ASIC2: variants seen among roughly 807,000 people sequenced by gnomAD.
ASIC2 encodes acid-sensing ion channel 2.
A neutral mutation model predicts 57.3 loss-of-function variants in ASIC2; 25 were observed. The observed-to-expected ratio is 0.44, with a 90% CI of 0.32 to 0.61. ASIC2 has a LOEUF of 0.61. Ranked by LOEUF, ASIC2 falls within the 20% of genes least tolerant of loss-of-function variation. ASIC2 has a pLI of 0.06. For missense variants in ASIC2, 641 were observed against 738.1 expected (o/e 0.87, Z 1.52); for synonymous variants, 319 against 307.5 (o/e 1.04, Z -0.39).
chr17:33,781,255 G>A (rs1267019659), intron 1 of ASIC2, among the ~76,000 whole-genome samples: 2 of 152,206 alleles, frequency 1.3e-5, no homozygotes, highest in Non-Finnish European at 2.9e-5. Flanking sequence ...TGCCCCTGTG[G>A]CCACTGGACC....
intron 2 of ASIC2, among the ~76,000 whole-genome samples, chr17:33,090,314 G>C (rs985502194): frequency 3.3e-5 from 5 of 152,208 alleles, no homozygotes; most frequent in African/African-American, 1.2e-4. Flanking sequence ...AGCACATCGT[G>C]ATGAGGCTTT....
At chr17:34,086,976 G>A (rs570375307) in intron 1 of ASIC2, among the ~76,000 whole-genome samples, 1 of 152,234 alleles carries the variant, frequency 6.6e-6, no homozygotes, top group African/African-American at 2.4e-5. Context: ...ACACTGATGG[G>A]TCTTGACTCT....
chr17:33,051,855 C>A (rs755410148), intron 3 of ASIC2, among the ~76,000 whole-genome samples: 5 of 152,192 alleles, frequency 3.3e-5, no homozygotes, highest in Non-Finnish European at 7.3e-5. Context: ...ATTCACCCAA[C>A]CTTGGGTCAG....
chr17:33,393,679 G>A (rs1909978955), intron 1 of ASIC2, among the ~76,000 whole-genome samples: 1 of 152,194 alleles, frequency 6.6e-6, no homozygotes, highest in South Asian at 2.1e-4. Flanking sequence ...GTGCTGAAAG[G>A]AAGTTCCAGT....
At chr17:33,334,334 A>G (rs1907430752) in intron 1 of ASIC2, among the ~76,000 whole-genome samples, 1 of 152,220 alleles carries the variant, frequency 6.6e-6, no homozygotes, top group Non-Finnish European at 1.5e-5. Flanking sequence ...AGTGAGGGGC[A>G]TCTGTGGGAT....
intron 1 of ASIC2, among the ~76,000 whole-genome samples, chr17:33,578,103 T>C (rs904770543): frequency 2.6e-5 from 4 of 152,198 alleles, no homozygotes; most frequent in Non-Finnish European, 4.4e-5. Flanking sequence ...AGCTGACTTA[T>C]AAGACACCTT....
chr17:33,742,807 C>T (rs541652278), intron 1 of ASIC2, among the ~76,000 whole-genome samples: 3 of 152,316 alleles, frequency 2.0e-5, no homozygotes, highest in East Asian at 3.9e-4. Flanking sequence ...TCTACCACTG[C>T]CTCACGTCCC....
intron 1 of ASIC2, among the ~76,000 whole-genome samples, chr17:33,464,849 G>C (rs1348685670): frequency 6.6e-6 from 1 of 151,766 alleles, no homozygotes; most frequent in Non-Finnish European, 1.5e-5. Context: ...AGCATCTCTA[G>C]GCCCCCCTGA....
chr17:33,796,908 A>G (rs1300689339), intron 1 of ASIC2, among the ~76,000 whole-genome samples: 1 of 152,130 alleles, frequency 6.6e-6, no homozygotes, highest in Non-Finnish European at 1.5e-5. Context: ...TCCTTCATTT[A>G]TTTATTCATT....
At chr17:33,235,680 G>A (rs1908269533) in intron 1 of ASIC2, among the ~76,000 whole-genome samples, 1 of 152,058 alleles carries the variant, frequency 6.6e-6, no homozygotes, top group African/African-American at 2.4e-5. Context: ...CCCTGGACAG[G>A]CCCAGCCTTG....
At chr17:34,029,067 C>A (rs1308092920) in intron 1 of ASIC2, among the ~76,000 whole-genome samples, 1 of 151,926 alleles carries the variant, frequency 6.6e-6, no homozygotes, top group East Asian at 1.9e-4. Flanking sequence ...CTTGATCATC[C>A]CCCTCCTACC....
chr17:33,046,436 C>A (rs1231556578), intron 3 of ASIC2, among the ~76,000 whole-genome samples: 1 of 152,180 alleles, frequency 6.6e-6, no homozygotes, highest in Non-Finnish European at 1.5e-5. Context: ...AATCCACTTT[C>A]CCCCACCTGA....
chr17:34,007,941 C>CA (rs1226552175), intron 1 of ASIC2, among the ~76,000 whole-genome samples: 1 of 152,188 alleles, frequency 6.6e-6, no homozygotes, highest in Non-Finnish European at 1.5e-5. Context: ...CCACCCCCTC[C>CA]AACACACAAA....
chr17:34,044,605 C>T lies in ASIC2; in HGVS notation c.555+111373G>A, dbSNP rs976694287. On this transcript the variant is annotated intron_variant, in intron 1 of 9. Coordinates refer to the ASIC2 transcript ENST00000359872. Reference sequence around the variant, plus strand: ...GACAGAACTTTTCAATGAGGAGGCACCTAGAGGAGGATCAGAAAAGTAAAT... The same window carrying T: ...GACAGAACTTTTCAATGAGGAGGCATCTAGAGGAGGATCAGAAAAGTAAAT... 1.1e-4 allele frequency among the ~76,000 whole-genome samples: 16 copies of T among 152,280 alleles called. No homozygotes were observed. In the East Asian group the frequency reaches 3.1e-3, roughly 29 times the overall value.
chr17:33,228,289 T>G (rs1229397388), intron 1 of ASIC2, among the ~76,000 whole-genome samples: 1 of 152,204 alleles, frequency 6.6e-6, no homozygotes, highest in Non-Finnish European at 1.5e-5. Flanking sequence ...TAAGGGCTAC[T>G]GAATCGAACA....
In ASIC2 at chr17:33,321,888, G is replaced by T. The variant is rs114366450; in HGVS notation, c.556-209821C>A. Among the ~76,000 whole-genome samples, 881 of 152,338 alleles carry T rather than the reference G, an allele frequency of 5.8e-3. 9 individuals carry two copies. The highest frequency in any genetic ancestry group is 0.02 in the African/African-American group (833 of 41,572). ...CAAGCCATTGGCAGATTGCAGGCAG[G>T]CTGGTTTGGACCAGACATTTCACAG... On this transcript the variant is annotated intron_variant, in intron 1 of 9. Coordinates refer to the ASIC2 transcript ENST00000359872.
At chr17:33,866,441 T>A (rs1352731) in intron 1 of ASIC2, among the ~76,000 whole-genome samples, 42,035 of 152,098 alleles carry the variant, frequency 0.28, 5,981 homozygotes, top group African/African-American at 0.3. Flanking sequence ...CCCACATATT[T>A]TTTTTTGAAA....
At chr17:33,654,849 G>T (rs1248356947) in intron 1 of ASIC2, among the ~76,000 whole-genome samples, 1 of 152,200 alleles carries the variant, frequency 6.6e-6, no homozygotes, top group Non-Finnish European at 1.5e-5. Flanking sequence ...AGATGGCTTG[G>T]CTGGCACCAT....
chr17:33,663,773 T>C (rs1327525961), intron 1 of ASIC2, among the ~76,000 whole-genome samples: 1 of 152,178 alleles, frequency 6.6e-6, no homozygotes, highest in African/African-American at 2.4e-5. Flanking sequence ...TCAGCAACTG[T>C]GATTGCTGTC....
Sources: allele counts gnomAD v4.1 joint callset (sites outside exome capture counted in the v4.1 genomes callset), GRCh38; gene constraint gnomAD v4.1.1; transcripts MANE v1.5; gene names NCBI Gene and HGNC (gene_info 2026-07-23, HGNC 2026-07-21).